The following NFATC2 variants were observed in gnomAD, a reference collection of about 807,000 sequenced individuals.
NFATC2 encodes the protein nuclear factor of activated T cells 2.
A neutral mutation model predicts 87.3 loss-of-function variants in NFATC2; 22 were observed. The ratio of observed to expected loss-of-function variants is 0.25; its 90% CI spans 0.18 to 0.36. The LOEUF is 0.36. Among genes scored for constraint, NFATC2 ranks in the 10% least tolerant of loss-of-function variants. NFATC2 has a pLI of 1.00. For synonymous variants in NFATC2, 565 were observed against 542.2 expected, an observed-to-expected ratio of 1.04 and a Z score of -0.58; for missense variants, 1,149 against 1,259.1, an observed-to-expected ratio of 0.91 and a Z score of 1.32.
At chr20:51,401,335 C>CAAA (rs111796730) in intron 9 of NFATC2, among the ~76,000 whole-genome samples, 2 of 148,426 alleles carry the variant, frequency 1.3e-5, no homozygotes, top group Middle Eastern at 7.0e-3. Context: ...AAGACTGTCT[C>CAAA]AAAAAAATAA....
intron 2 of NFATC2, among the ~76,000 whole-genome samples, chr20:51,522,425 C>A (rs1353127702): frequency 6.6e-6 from 1 of 152,142 alleles, no homozygotes; most frequent in Non-Finnish European, 1.5e-5. Flanking sequence ...AAGGCAGCAG[C>A]AGAGATGCCC....
At chr20:51,475,320 T>C (rs1299716279) in intron 4 of NFATC2, 138 bp downstream of exon 4, 1 of 815,128 alleles carries the variant, frequency 1.2e-6, no homozygotes, top group East Asian at 2.5e-5. Context: ...TCACAACGGG[T>C]CGATGGATCA....
chr20:51,555,454 G>A (rs1412087002), intron 1 of NFATC2, among the ~76,000 whole-genome samples: 2 of 152,086 alleles, frequency 1.3e-5, no homozygotes, highest in African/African-American at 4.8e-5. Flanking sequence ...TTAGCTGGGT[G>A]TGGTGGCGGG....
chr20:51,448,027 T>C (rs1261064800), intron 6 of NFATC2, among the ~76,000 whole-genome samples: 2 of 152,148 alleles, frequency 1.3e-5, no homozygotes, highest in Admixed American at 1.3e-4. Flanking sequence ...GATGCATTCA[T>C]TCAACAACAC....
At chr20:51,486,973 A>G (rs1989761497) in intron 3 of NFATC2, among the ~76,000 whole-genome samples, 1 of 152,162 alleles carries the variant, frequency 6.6e-6, no homozygotes, top group Non-Finnish European at 1.5e-5. Context: ...AATTGAAAGC[A>G]CAGCAGCCTG....
intron 2 of NFATC2, among the ~76,000 whole-genome samples, 169 bp downstream of exon 2, chr20:51,522,912 C>T (rs184089981): frequency 1.1e-4 from 17 of 152,334 alleles, no homozygotes; most frequent in African/African-American, 4.1e-4. Context: ...AAACCTGGCC[C>T]GGGAATTTAA....
chr20:51,487,840 G>A (rs1989846804), intron 3 of NFATC2, among the ~76,000 whole-genome samples: 1 of 152,062 alleles, frequency 6.6e-6, no homozygotes, highest in Non-Finnish European at 1.5e-5. Flanking sequence ...CAGACGTGAT[G>A]TGTACCTTTC....
intron 3 of NFATC2, among the ~76,000 whole-genome samples, chr20:51,477,266 G>A (rs887245958): frequency 1.3e-5 from 2 of 151,744 alleles, no homozygotes; most frequent in Non-Finnish European, 2.9e-5. Flanking sequence ...GCAATGTGTA[G>A]AAAAATACAT....
At chr20:51,482,209 T>C (rs555387252) in intron 3 of NFATC2, among the ~76,000 whole-genome samples, 3 of 148,870 alleles carry the variant, frequency 2.0e-5, no homozygotes, top group Non-Finnish European at 4.4e-5. Flanking sequence ...CACACAAACA[T>C]GGCCTCCACG....
chr20:51,537,863 C>T (rs918530646), intron 1 of NFATC2, among the ~76,000 whole-genome samples: 5 of 152,204 alleles, frequency 3.3e-5, no homozygotes, highest in African/African-American at 1.2e-4. Context: ...CTTCTTTGCA[C>T]ATCTCTAGTG....
At chr20:51,400,625 GCTT>G (rs1336534361) in intron 9 of NFATC2, among the ~76,000 whole-genome samples, 1 of 152,170 alleles carries the variant, frequency 6.6e-6, no homozygotes, top group African/African-American at 2.4e-5. Flanking sequence ...CTCTTTGTCA[GCTT>G]CTTTGTGGAA....
At chr20:51,423,862 A>G (rs990228621) in intron 9 of NFATC2, among the ~76,000 whole-genome samples, 1 of 152,194 alleles carries the variant, frequency 6.6e-6, no homozygotes, top group Non-Finnish European at 1.5e-5. Context: ...CTGACCTCCA[A>G]ATGCAAGTGC....
chr20:51,541,951 T>C (rs2076824882), intron 1 of NFATC2, among the ~76,000 whole-genome samples: 1 of 152,090 alleles, frequency 6.6e-6, no homozygotes, highest in Non-Finnish European at 1.5e-5. Flanking sequence ...TCCTTCTTTT[T>C]TTGGCAACTC....
At chr20:51,527,068 T>C (rs2146739669) in intron 1 of NFATC2, among the ~76,000 whole-genome samples, 1 of 151,838 alleles carries the variant, frequency 6.6e-6, no homozygotes, top group East Asian at 1.9e-4. Context: ...TCAGCTAATT[T>C]TTTTTTATTT....
At chr20:51,483,555 G>T (rs1161606943) in intron 3 of NFATC2, among the ~76,000 whole-genome samples, 1 of 151,574 alleles carries the variant, frequency 6.6e-6, no homozygotes, top group Non-Finnish European at 1.5e-5. Flanking sequence ...CTATTTTGGG[G>T]TGCTAAAGTT....
At chr20:51,485,287 C>T (rs1989611081) in intron 3 of NFATC2, among the ~76,000 whole-genome samples, 1 of 152,168 alleles carries the variant, frequency 6.6e-6, no homozygotes, top group South Asian at 2.1e-4. Flanking sequence ...AATAAAAAAC[C>T]TGGATCATTT....
In NFATC2 at chr20:51,454,594, C is replaced by T; in HGVS notation, c.1803G>A (p.Gln601=). The change falls in exon 6 of 11, where the codon CAG becomes CAA. Residue 601 remains glutamine, a synonymous_variant. Coordinates refer to ENST00000371564, the MANE Select transcript of NFATC2 (RefSeq NM_012340.5). The part of the protein sequence containing the change: ...YGGQQMILTG[Q]NFTSESKVVF... The stretch of plus-strand genomic sequence containing the variant: ...CAACTTTGGACTCGGATGTAAAGTT[C>T]TGCCCCGTGAGGATCATTTGCTGGC... The T allele has an allele frequency of 6.2e-7, 1 of 1,614,110 alleles. No homozygotes were observed. The highest frequency in any genetic ancestry group is 1.1e-5 in the South Asian group (1 of 91,084).
Position 51,463,267 on chromosome 20 carries a change from T to C in NFATC2, c.1709-8579A>G, listed in dbSNP as rs534648126. On this transcript the variant is annotated intron_variant, in intron 5 of 10. Transcript: ENST00000371564. ...ACCAAAATCTCCCCTAGTGTGGGGC[T>C]CACCTCTTTGAGGGAACCACTGAGG... Among the ~76,000 whole-genome samples, 7 of 152,314 alleles carry C rather than the reference T, an allele frequency of 4.6e-5. 1 individual carries two copies. Among genetic ancestry groups the C allele is most frequent in the Admixed American group, 1.3e-4 (2 of 15,306 alleles).
chr20:51,529,752 A>AT (rs907960462), intron 1 of NFATC2, among the ~76,000 whole-genome samples: 46 of 150,086 alleles, frequency 3.1e-4, no homozygotes, highest in Middle Eastern at 3.4e-3. Flanking sequence ...TCACTCACTT[A>AT]TTTTTTTTTT....
Sources: allele counts gnomAD v4.1 joint callset (sites outside exome capture counted in the v4.1 genomes callset), GRCh38; gene constraint gnomAD v4.1.1; transcripts MANE v1.5; gene names NCBI Gene and HGNC (gene_info 2026-07-23, HGNC 2026-07-21).